Variants in GPKOW observed in about 807,000 individuals in gnomAD.
The protein encoded by GPKOW is G-patch domain and KOW motifs-containing protein.
For missense variants in GPKOW, 359 were observed against 404.7 expected, an observed-to-expected ratio of 0.89 and a Z score of 0.97; for synonymous variants, 167 against 159.1, an observed-to-expected ratio of 1.05 and a Z score of -0.37.
At chrX:49,117,860 A>G in intron 4 of GPKOW, 50 bp from the exon 5 acceptor site, 2 of 778,923 alleles carry the variant, frequency 2.6e-6, no homozygotes, top group Non-Finnish European at 1.8e-6. Flanking sequence ...AGTCTTCAAC[A>G]CCTTATTTAC....
chrX:49,118,369 C>G (rs782186789), intron 4 of GPKOW, among the ~76,000 whole-genome samples: 3 of 111,404 alleles, frequency 2.7e-5, no homozygotes, highest in Non-Finnish European at 3.8e-5. Flanking sequence ...AGAGGCAGAT[C>G]GCTGTAACCA....
intron 3 of GPKOW, 53 bp from the exon 4 acceptor site, chrX:49,119,867 C>A: frequency 1.4e-6 from 1 of 713,982 alleles, no homozygotes; most frequent in Non-Finnish European, 2.1e-6. Flanking sequence ...ACTGGGTCTT[C>A]TATTTGAAGT....
chrX:49,118,118 A>G (rs55795230), intron 4 of GPKOW, among the ~76,000 whole-genome samples: 1 of 109,225 alleles, frequency 9.2e-6, no homozygotes, highest in Non-Finnish European at 1.9e-5. Context: ...ACAGGGTTTC[A>G]CCATGTTGGT....
chrX:49,122,715 T>A lies in GPKOW; in HGVS notation c.238A>T (p.Arg80Trp). 8.3e-7 allele frequency: 1 copy of A among 1,209,657 alleles called. No individual in the cohort carries two copies. The highest frequency in any genetic ancestry group is 1.1e-6 in the Non-Finnish European group (1 of 893,575). The change falls in exon 2 of 11, where the codon AGG becomes TGG. Residue 80 changes from arginine (R) to tryptophan (W), a missense_variant. By Grantham distance (101) the Arg-to-Trp change is moderately radical. Coordinates refer to ENST00000156109, the MANE Select transcript of GPKOW (RefSeq NM_015698.6). The stretch of plus-strand genomic sequence containing the variant: ...CCAGGGGGCCGGGCTGGTGGCTGCC[T>A]GCGATGGCCATTCTGGATCAAAGGG... ...VIPLIQNGHR[R>W]QPPARPPGPS... is the part of the protein sequence containing the mutation.
Position 49,115,712 on chromosome X carries a change from T to C in GPKOW, c.1210+14A>G, listed in dbSNP as rs1557090117. On this transcript the variant is annotated intron_variant, in intron 9 of 10. Transcript: ENST00000156109. ...CTTCTTGATCAACCTCCAGCTGCCATCGCTCAAACTCACCTTCCAGGACTC... is the reference window on the plus strand; with the variant it reads ...CTTCTTGATCAACCTCCAGCTGCCACCGCTCAAACTCACCTTCCAGGACTC... The C allele has an allele frequency of 4.2e-6, 5 of 1,186,576 alleles. No individual in the cohort carries two copies. The highest frequency in any genetic ancestry group is 4.6e-6 in the Non-Finnish European group (4 of 872,957).
chrX:49,117,054 A>G lies in GPKOW; in HGVS notation c.889T>C (p.Phe297Leu). 1.7e-6 allele frequency: 2 copies of G among 1,208,147 alleles called. No individual in the cohort carries two copies. The highest frequency in any genetic ancestry group is 3.5e-5 in the South Asian group (2 of 56,811). The change falls in exon 6 of 11, where the codon TTT becomes CTT. Residue 297 changes from phenylalanine (F) to leucine (L), a missense_variant. Transcript: ENST00000156109. Reference protein sequence around the residue: ...YYLRPVSQQEFDKNTLDLRQQ... With the variant: ...YYLRPVSQQELDKNTLDLRQQ... The stretch of plus-strand genomic sequence containing the variant: ...CTGAGATCCAAGGTGTTCTTGTCAA[A>G]CTCCTGCTGGGAGACAGGCCGCAGG...
At position 49,113,520 on chromosome X, in the gene GPKOW, G is replaced by T; in HGVS notation, c.*101C>A. 1.2e-6 allele frequency: 1 copy of T among 826,933 alleles called. No homozygotes were observed. Among genetic ancestry groups the T allele is most frequent in the Non-Finnish European group, 1.8e-6 (1 of 559,856 alleles). 68.1% of individuals were successfully genotyped at this position (826,933 alleles called of 1,213,427 possible). A position where few individuals can be genotyped will look rare whatever the true frequency, so the allele number is the denominator to read the frequency against. ...TTGTCCTTGTCCCAGGACTGCACCA[G>T]AAGTAGAGGATGGAACAATGATCTT... On this transcript the variant is annotated 3_prime_UTR_variant, in exon 11 of 11. Transcript: ENST00000156109.
chrX:49,115,272 G>A (rs1244765912), intron 9 of GPKOW, among the ~76,000 whole-genome samples: 2 of 110,157 alleles, frequency 1.8e-5, no homozygotes, highest in Admixed American at 9.8e-5. Context: ...TTGGGAGGCC[G>A]AGGTGGGAGG....
chrX:49,117,110 C>A lies in GPKOW; in HGVS notation c.833G>T (p.Gly278Val), dbSNP rs1250026755. 1.7e-6 allele frequency: 2 copies of A among 1,209,669 alleles called. No homozygotes were observed. The highest frequency in any genetic ancestry group is 2.2e-6 in the Non-Finnish European group (2 of 893,589). The change falls in exon 6 of 11, where the codon GGG becomes GTG. Residue 278 changes from glycine to valine, a missense_variant. Gly to Val is a moderately radical substitution (Grantham distance 109, BLOSUM62 -3). Coordinates refer to ENST00000156109, the MANE Select transcript of GPKOW (RefSeq NM_015698.6). ...CTCACTAACAGTCACCACCCGGCTC[C>A]CCACAGCCAGACGAACCATGGCCCG... The part of the protein sequence containing the change: ...NVRAMVRLAV[G>V]SRVVTVSEYY...
Position 49,122,684 on chromosome X carries a change from G to C in GPKOW, c.269C>G (p.Ser90Cys). ...ATCCGCCAAGGCCCCAGTATCTGTG[G>C]ATGGCCCAGGGGGCCGGGCTGGTGG... is the stretch of plus-strand genomic sequence containing the variant. ...RQPPARPPGP[S>C]TDTGALADGV... is the part of the protein sequence containing the mutation. The change falls in exon 2 of 11, where the codon TCC becomes TGC. Residue 90 changes from serine (S) to cysteine (C), a missense_variant. Physicochemically the swap from Ser to Cys is moderately radical, Grantham distance 112. Coordinates refer to ENST00000156109, the MANE Select transcript of GPKOW (RefSeq NM_015698.6). The C allele has an allele frequency of 8.3e-7, 1 of 1,210,889 alleles. No individual in the cohort carries two copies. Among genetic ancestry groups the C allele is most frequent in the Non-Finnish European group, 1.1e-6 (1 of 894,560 alleles).
Position 49,113,433 on chromosome X carries a change from T to G in GPKOW, c.*188A>C. ...ACTTGAAATGGTTTTTATTATACCC[T>G]AAATTTTGGTAAATATTGGGTTTGT... On this transcript the variant is annotated 3_prime_UTR_variant, in exon 11 of 11. Transcript: ENST00000156109. 4.6e-6 allele frequency: 2 copies of G among 435,997 alleles called. No homozygotes were observed. The highest frequency in any genetic ancestry group is 8.0e-6 in the Non-Finnish European group (2 of 250,312). The allele number at this position is 435,997 out of a possible 1,213,427, so 35.9% of individuals were successfully genotyped here. A position where few individuals can be genotyped will look rare whatever the true frequency, so the allele number is the denominator to read the frequency against.
chrX:49,120,662 TTTTC>T (rs1323569873), intron 3 of GPKOW, among the ~76,000 whole-genome samples: 3 of 109,645 alleles, frequency 2.7e-5, no homozygotes, highest in Admixed American at 2.0e-4. Context: ...GACTCCAAGG[TTTTC>T]TTTTTTTTTT....
At chrX:49,120,713 G>T (rs1178032232) in intron 3 of GPKOW, among the ~76,000 whole-genome samples, 1 of 109,809 alleles carries the variant, frequency 9.1e-6, no homozygotes, top group Non-Finnish European at 1.9e-5. Flanking sequence ...GCCCAGGCTG[G>T]AGTGCAGTTG....
chrX:49,122,439 G>A lies in GPKOW; in HGVS notation c.415C>T (p.Pro139Ser), dbSNP rs782144109. Residue 139 changes from proline (P) to serine (S), a missense_variant, in exon 3 of 11, where the codon CCC becomes TCC. Physicochemically the swap from Pro to Ser is moderately conservative, Grantham distance 74. Coordinates refer to ENST00000156109, the MANE Select transcript of GPKOW (RefSeq NM_015698.6). ...TCGCTGTCTGCCCCTTCCCCGCTGGGGGTGCATCCTTTCTGGATCATGGGG... is the reference window on the plus strand; with the variant it reads ...TCGCTGTCTGCCCCTTCCCCGCTGGAGGTGCATCCTTTCTGGATCATGGGG... Reference protein sequence around the residue: ...AIPMIQKGCTPSGEGADSEPR... With the variant: ...AIPMIQKGCTSSGEGADSEPR... 4.4e-5 allele frequency: 52 copies of A among 1,187,095 alleles called. No homozygotes were observed. The highest frequency in any genetic ancestry group is 5.9e-5 in the Non-Finnish European group (52 of 885,028).
At chrX:49,116,469 C>A in intron 6 of GPKOW, 146 bp from the exon 7 acceptor site, 1 of 458,479 alleles carries the variant, frequency 2.2e-6, no homozygotes, top group Non-Finnish European at 3.9e-6. Flanking sequence ...CCCCTCTCAC[C>A]CCTCATGCAT....
intron 3 of GPKOW, among the ~76,000 whole-genome samples, chrX:49,120,916 A>G (rs1212756313): frequency 2.7e-5 from 3 of 109,938 alleles, no homozygotes; most frequent in African/African-American, 9.9e-5. Flanking sequence ...CGCTGGCCTC[A>G]GCCTCTCAAA....
rs373537126 is a variant in GPKOW at position 49,119,664 on chromosome X, T to C, written c.566+41A>G. On this transcript the variant is annotated intron_variant, in intron 4 of 10. Coordinates refer to ENST00000156109, the MANE Select transcript of GPKOW (RefSeq NM_015698.6). ...GACCCTGGGGATCTTGATTGCAGCCTGATGATCTGTCTGTCCCCTCGACCC... is the reference window on the plus strand; with the variant it reads ...GACCCTGGGGATCTTGATTGCAGCCCGATGATCTGTCTGTCCCCTCGACCC... The C allele has an allele frequency of 4.8e-6, 4 of 826,437 alleles. No homozygotes were observed. The South Asian group carries it at 9.3e-5, about 19-fold the overall frequency. The allele number at this position is 826,437 out of a possible 1,213,427, so 68.1% of individuals were successfully genotyped here. A position where few individuals can be genotyped will look rare whatever the true frequency, so the allele number is the denominator to read the frequency against.
chrX:49,122,920 C>A, intron 1 of GPKOW, 144 bp from the exon 2 acceptor site: 1 of 493,419 alleles, frequency 2.0e-6, no homozygotes, highest in East Asian at 3.6e-5. Flanking sequence ...TCTCCTGTTC[C>A]TCTCTGATCG....
In GPKOW at chrX:49,116,897, G is replaced by A. The variant is rs782018372; in HGVS notation, c.913+133C>T. On this transcript the variant is annotated intron_variant, in intron 6 of 10. Coordinates refer to ENST00000156109, the MANE Select transcript of GPKOW (RefSeq NM_015698.6). ...TGTCCATTCTCACCTCCTGACCTCTGATTGGAAGTCATATCTGCCAGGCAC... is the reference window on the plus strand; with the variant it reads ...TGTCCATTCTCACCTCCTGACCTCTAATTGGAAGTCATATCTGCCAGGCAC... 54 of 509,765 alleles carry A rather than the reference G, an allele frequency of 1.1e-4. 1 individual carries two copies. The South Asian group carries it at 1.6e-3, about 15-fold the overall frequency. The allele number at this position is 509,765 out of a possible 1,213,427, so 42.0% of individuals were successfully genotyped here.
Sources: gnomAD v4.1 joint callset for allele counts (sites outside exome capture counted in the v4.1 genomes callset) on GRCh38, gnomAD v4.1.1 for gene constraint, MANE v1.5 for transcripts, NCBI Gene and HGNC (gene_info 2026-07-23, HGNC 2026-07-21) for gene names.